PPFIA2: variants seen among roughly 807,000 people sequenced by gnomAD.
The protein encoded by PPFIA2 is PPFI scaffold protein A2.
A neutral mutation model predicts 175.5 loss-of-function variants in PPFIA2; 46 were observed. The ratio of observed to expected loss-of-function variants is 0.26; its 90% CI spans 0.21 to 0.34. The LOEUF (loss-of-function observed/expected upper bound fraction) is 0.34. Ranked by LOEUF, PPFIA2 falls within the 10% of genes least tolerant of loss-of-function variation. The pLI is 1.00. For synonymous variants in PPFIA2, 568 were observed against 511.4 expected (o/e 1.11, Z -1.49); for missense variants, 1,179 against 1,506.1 (o/e 0.78, Z 3.60).
intron 2 of PPFIA2, among the ~76,000 whole-genome samples, chr12:81,754,450 C>T (rs2084326824): frequency 6.6e-6 from 1 of 152,168 alleles, no homozygotes; most frequent in Non-Finnish European, 1.5e-5. Context: ...TCACATTTAT[C>T]CCACCTCCCA....
At chr12:81,339,800 G>A (rs530478542) in intron 20 of PPFIA2, among the ~76,000 whole-genome samples, 13 of 152,088 alleles carry the variant, frequency 8.5e-5, no homozygotes, top group Non-Finnish European at 1.5e-4. Context: ...TCTAGCCATC[G>A]TTCCCTTTCT....
At chr12:81,570,808 A>G (rs916803624) in intron 4 of PPFIA2, among the ~76,000 whole-genome samples, 2 of 151,466 alleles carry the variant, frequency 1.3e-5, no homozygotes, top group Non-Finnish European at 2.9e-5. Context: ...GATTATAAAA[A>G]CAGTTTCACC....
At chr12:81,347,946 A>G (rs1424264563) in intron 17 of PPFIA2, among the ~76,000 whole-genome samples, 176 bp from the exon 18 acceptor site, 1 of 152,078 alleles carries the variant, frequency 6.6e-6, no homozygotes, top group African/African-American at 2.4e-5. Context: ...ACTTGCAGTA[A>G]ATTCCAGGGA....
chr12:81,527,329 C>T (rs149791503), intron 4 of PPFIA2, among the ~76,000 whole-genome samples: 9 of 151,768 alleles, frequency 5.9e-5, no homozygotes, highest in Non-Finnish European at 1.2e-4. Context: ...TTTTCTAACA[C>T]TAGGTATTTA....
intron 4 of PPFIA2, among the ~76,000 whole-genome samples, chr12:81,600,778 A>G (rs1241352801): frequency 1.3e-5 from 2 of 152,016 alleles, no homozygotes; most frequent in Non-Finnish European, 2.9e-5. Flanking sequence ...GTGAGTAGAA[A>G]TAATCCCTCA....
intron 3 of PPFIA2, among the ~76,000 whole-genome samples, chr12:81,731,405 A>G (rs141346340): frequency 1.3e-5 from 2 of 151,712 alleles, no homozygotes; most frequent in East Asian, 3.9e-4. Context: ...GGTCTCATTT[A>G]CTTTTCAAAA....
intron 4 of PPFIA2, among the ~76,000 whole-genome samples, chr12:81,630,051 G>C (rs910045031): frequency 7.2e-5 from 11 of 152,134 alleles, no homozygotes; most frequent in Non-Finnish European, 4.4e-5. Context: ...TATCCTGCTG[G>C]TTTGTGGCTG....
At chr12:81,282,192 A>G (rs1045308361) in intron 26 of PPFIA2, among the ~76,000 whole-genome samples, 4 of 152,008 alleles carry the variant, frequency 2.6e-5, no homozygotes, top group Middle Eastern at 3.2e-3. Flanking sequence ...TTTTAAAAGA[A>G]CTATTACTCT....
intron 4 of PPFIA2, among the ~76,000 whole-genome samples, chr12:81,569,346 C>T (rs577073999): frequency 7.2e-5 from 11 of 152,214 alleles, no homozygotes; most frequent in South Asian, 4.1e-4. Flanking sequence ...GAGAATTGTA[C>T]GTAACTTTTA....
chr12:81,725,170 A>G (rs2079898186), intron 3 of PPFIA2, among the ~76,000 whole-genome samples: 1 of 150,970 alleles, frequency 6.6e-6, no homozygotes, highest in South Asian at 2.1e-4. Flanking sequence ...AGGGAACAAA[A>G]ATAATATCAT....
intron 20 of PPFIA2, among the ~76,000 whole-genome samples, chr12:81,339,685 T>C (rs1467625178): frequency 6.6e-6 from 1 of 152,026 alleles, no homozygotes; most frequent in Non-Finnish European, 1.5e-5. Context: ...TTTCTCAGAG[T>C]CTGTTTTTCT....
intron 22 of PPFIA2, among the ~76,000 whole-genome samples, chr12:81,317,313 C>T (rs1414691227): frequency 2.0e-5 from 3 of 151,402 alleles, no homozygotes; most frequent in African/African-American, 7.3e-5. Flanking sequence ...TTATGGACTA[C>T]ATAAAGCCAT....
At chr12:81,340,419 A>G (rs1238662649) in intron 20 of PPFIA2, among the ~76,000 whole-genome samples, 1 of 152,134 alleles carries the variant, frequency 6.6e-6, no homozygotes, top group Non-Finnish European at 1.5e-5. Context: ...AAGAGAAGAT[A>G]TATTTCAGAT....
chr12:81,440,459 T>C (rs1194719322), intron 6 of PPFIA2, among the ~76,000 whole-genome samples: 3 of 152,134 alleles, frequency 2.0e-5, no homozygotes, highest in African/African-American at 7.2e-5. Flanking sequence ...AAATAACAAG[T>C]GAATTTTCAT....
intron 4 of PPFIA2, among the ~76,000 whole-genome samples, chr12:81,639,237 A>C (rs1370247031): frequency 1.3e-5 from 2 of 152,212 alleles, no homozygotes; most frequent in Non-Finnish European, 2.9e-5. Context: ...GTAGTGTAGG[A>C]GTATGCTTAA....
chr12:81,630,897 A>T (rs200253388), intron 4 of PPFIA2, among the ~76,000 whole-genome samples: 7 of 75,288 alleles, frequency 9.3e-5, no homozygotes, highest in East Asian at 9.0e-4. Flanking sequence ...ATATATATAT[A>T]TATTTTTTTT....
At chr12:81,272,138 A>AT (rs2039298730) in intron 28 of PPFIA2, among the ~76,000 whole-genome samples, 1 of 151,968 alleles carries the variant, frequency 6.6e-6, no homozygotes, top group African/African-American at 2.4e-5. Context: ...AGATTCTAAG[A>AT]TTTTGGGGTG....
intron 7 of PPFIA2, 126 bp from the exon 8 acceptor site, chr12:81,406,029 C>T: frequency 1.9e-6 from 1 of 530,600 alleles, no homozygotes. Context: ...GTGAACATTA[C>T]ATTTTACTGA....
chr12:81,525,310 A>AT (rs2063609785), intron 4 of PPFIA2, among the ~76,000 whole-genome samples: 3 of 152,170 alleles, frequency 2.0e-5, no homozygotes, highest in African/African-American at 7.2e-5. Flanking sequence ...AGGTGAAAAG[A>AT]TTTTTGCACA....
Sources: allele counts gnomAD v4.1 joint callset (sites outside exome capture counted in the v4.1 genomes callset), GRCh38; gene constraint gnomAD v4.1.1; transcripts MANE v1.5; gene names NCBI Gene and HGNC (gene_info 2026-07-23, HGNC 2026-07-21).